The following WDR64 variants were observed in gnomAD, a reference collection of about 807,000 sequenced individuals.
WDR64 encodes WD repeat domain 64.
WDR64 carries 112 observed loss-of-function variants against 139.3 expected under a neutral mutation model. The observed-to-expected ratio is 0.80, with a 90% CI of 0.69 to 0.94. The LOEUF (loss-of-function observed/expected upper bound fraction) is 0.94. WDR64 is among the 40% of genes least tolerant of loss of function. The pLI is 0.00. For missense variants in WDR64, 1,206 were observed against 1,293.1 expected (o/e 0.93, Z 1.03); for synonymous variants, 444 against 437.7 (o/e 1.01, Z -0.18).
At position 241,706,490 on chromosome 1, in the gene WDR64, A is replaced by G. The variant is rs111923533; in HGVS notation, c.975-5312A>G. Among the ~76,000 whole-genome samples the G allele has an allele frequency of 5.5e-4, 84 of 152,400 alleles. 1 individual carries two copies. In the Middle Eastern group the frequency reaches 0.01, roughly 19 times the overall value. ...TCACTGGCAAACCTGTAAATGAGTCATCAGTTAGAACTTAACTACTTCTCA... is the reference window on the plus strand; with the variant it reads ...TCACTGGCAAACCTGTAAATGAGTCGTCAGTTAGAACTTAACTACTTCTCA... On this transcript the variant is annotated intron_variant, in intron 8 of 27. Transcript: ENST00000437684.
At position 241,716,168 on chromosome 1, in the gene WDR64, C is replaced by T. The variant is rs148156377; in HGVS notation, c.1054+4287C>T. 5.9e-3 allele frequency among the ~76,000 whole-genome samples: 890 copies of T among 151,836 alleles called. 12 individuals are homozygous for T. Among genetic ancestry groups the T allele is most frequent in the African/African-American group, 0.017 (721 of 41,418 alleles). On this transcript the variant is annotated intron_variant, in intron 9 of 27. Transcript: ENST00000437684. ...CAGCCAAGCACCATTGCTAAATGTA[C>T]GGTATGTACCCGCTGACGACTCAAA...
intron 15 of WDR64, among the ~76,000 whole-genome samples, chr1:241,757,977 A>G (rs1391976265): frequency 6.6e-6 from 1 of 152,172 alleles, no homozygotes; most frequent in Non-Finnish European, 1.5e-5. Flanking sequence ...AGATATCCTT[A>G]TAATTTCTTT....
intron 18 of WDR64, 146 bp downstream of exon 18, chr1:241,770,836 ATTGTT>A (rs1293029429): frequency 1.9e-6 from 1 of 537,066 alleles, no homozygotes; most frequent in Non-Finnish European, 3.0e-6. Context: ...GTAAAAACGC[ATTGTT>A]TTGCAAAAAA....
chr1:241,685,005 C>T (rs2148112925), intron 7 of WDR64, among the ~76,000 whole-genome samples: 1 of 152,134 alleles, frequency 6.6e-6, no homozygotes, highest in East Asian at 1.9e-4. Flanking sequence ...GATCTGCCCG[C>T]CTCGGCCTCC....
At chr1:241,682,687 T>G (rs1232444710) in intron 6 of WDR64, among the ~76,000 whole-genome samples, 1 of 152,166 alleles carries the variant, frequency 6.6e-6, no homozygotes, top group African/African-American at 2.4e-5. Context: ...CCTGCTAGAC[T>G]CCTTCCTCTC....
chr1:241,733,303 C>T (rs550149869), intron 10 of WDR64, among the ~76,000 whole-genome samples: 3 of 152,040 alleles, frequency 2.0e-5, no homozygotes, highest in African/African-American at 4.8e-5. Flanking sequence ...GGTGAAACCT[C>T]GTCTCTACTA....
chr1:241,655,622 C>A (rs1352360796), intron 1 of WDR64, among the ~76,000 whole-genome samples: 12 of 152,124 alleles, frequency 7.9e-5, no homozygotes, highest in Admixed American at 7.9e-4. Flanking sequence ...CTAAAACAAA[C>A]TTCTTGGCAT....
At chr1:241,740,790 C>G (rs568582045) in intron 11 of WDR64, among the ~76,000 whole-genome samples, 1 of 151,868 alleles carries the variant, frequency 6.6e-6, no homozygotes, top group Admixed American at 6.6e-5. Flanking sequence ...CTCAGCCTCT[C>G]GAGTAGCTGG....
chr1:241,794,655 C>T (rs575302767), intron 25 of WDR64, among the ~76,000 whole-genome samples: 1 of 151,912 alleles, frequency 6.6e-6, no homozygotes, highest in South Asian at 2.1e-4. Context: ...ACTACAGGCA[C>T]CTGCCACCAC....
rs572936635 is a variant in WDR64 at position 241,733,234 on chromosome 1, G to C, written c.1195-5129G>C. 6.1e-4 allele frequency among the ~76,000 whole-genome samples: 93 copies of C among 152,198 alleles called. 1 individual carries two copies. The highest frequency in any genetic ancestry group is 8.4e-4 in the Non-Finnish European group (57 of 68,026). ...TCACACCTGTAATCCCAGCACTTTG[G>C]GGGGCCAAGGTGGATGGATCACCTG... On this transcript the variant is annotated intron_variant, in intron 10 of 27. Transcript: ENST00000437684.
chr1:241,759,280 T>G (rs1337180763), intron 15 of WDR64, among the ~76,000 whole-genome samples: 1 of 152,180 alleles, frequency 6.6e-6, no homozygotes, highest in African/African-American at 2.4e-5. Flanking sequence ...CAAATTACTG[T>G]GCTTTAAAAT....
chr1:241,717,055 A>T (rs1289794517), intron 9 of WDR64, among the ~76,000 whole-genome samples: 5 of 152,198 alleles, frequency 3.3e-5, no homozygotes, highest in Non-Finnish European at 5.9e-5. Context: ...ATGATGTAAG[A>T]TCACCTATGG....
intron 15 of WDR64, among the ~76,000 whole-genome samples, chr1:241,760,890 C>T (rs553640233): frequency 4.3e-4 from 65 of 151,508 alleles, no homozygotes; most frequent in African/African-American, 1.4e-3. Context: ...CTCAGCCTCC[C>T]GAGTAGCTGG....
At chr1:241,789,899 T>C (rs969816843) in intron 24 of WDR64, among the ~76,000 whole-genome samples, 3 of 152,026 alleles carry the variant, frequency 2.0e-5, no homozygotes, top group Non-Finnish European at 2.9e-5. Context: ...TTAAAAAAAA[T>C]AGTTATGACT....
At chr1:241,672,706 G>A (rs1365492244) in intron 3 of WDR64, among the ~76,000 whole-genome samples, 2 of 152,222 alleles carry the variant, frequency 1.3e-5, no homozygotes, top group African/African-American at 2.4e-5. Context: ...AGGAATGTGG[G>A]AAGGAGAAGG....
intron 2 of WDR64, among the ~76,000 whole-genome samples, chr1:241,664,728 C>A (rs1016250665): frequency 3.6e-4 from 55 of 151,776 alleles, no homozygotes; most frequent in African/African-American, 1.2e-3. Context: ...TTTTCAGGTT[C>A]TCATTTAATC....
At position 241,743,741 on chromosome 1, in the gene WDR64, CAGAG is replaced by C. The variant is rs553335047; in HGVS notation, c.1471-646_1471-643del. Among the ~76,000 whole-genome samples the C allele has an allele frequency of 3.0e-4, 46 of 152,248 alleles. No individual in the cohort carries two copies. In the East Asian group the frequency reaches 8.5e-3, roughly 28 times the overall value. On this transcript the variant is annotated intron_variant, in intron 12 of 27. Coordinates refer to ENST00000437684, the MANE Select transcript of WDR64 (RefSeq NM_001367482.1). ...AGGTCTAAGGCCTCTACTGTGTTTC[CAGAG>C]AGAGATAATGATGACTCTTGAGTCT...
intron 8 of WDR64, among the ~76,000 whole-genome samples, chr1:241,705,217 C>T (rs1454056688): frequency 1.3e-5 from 2 of 152,180 alleles, no homozygotes; most frequent in African/African-American, 4.8e-5. Flanking sequence ...TACTCGCTTC[C>T]TCATGGAGAA....
intron 10 of WDR64, among the ~76,000 whole-genome samples, chr1:241,728,148 C>T (rs144271004): frequency 0.013 from 2,027 of 152,148 alleles, 50 homozygotes; most frequent in African/African-American, 0.046. Context: ...GCCTGGCCAA[C>T]ATGGTGGAAC....
Sources: allele counts gnomAD v4.1 joint callset (sites outside exome capture counted in the v4.1 genomes callset), GRCh38; gene constraint gnomAD v4.1.1; transcripts MANE v1.5; gene names NCBI Gene and HGNC (gene_info 2026-07-23, HGNC 2026-07-21).